The following MITF variants were observed in gnomAD, a reference collection of about 807,000 sequenced individuals.
MITF encodes melanocyte inducing transcription factor.
A neutral mutation model predicts 60.5 loss-of-function variants in MITF; 17 were observed. The observed-to-expected ratio is 0.28, with a 90% CI of 0.19 to 0.42. The LOEUF is 0.42. Ranked by LOEUF, MITF falls within the 10% of genes least tolerant of loss-of-function variation. The probability of loss-of-function intolerance (pLI) is 1.00; values close to 1 mark genes in which losing one functional copy is unlikely to be tolerated. For missense variants in MITF, 622 were observed against 683.5 expected (o/e 0.91, Z 1.00); for synonymous variants, 260 against 248.5 (o/e 1.05, Z -0.43).
intron 1 of MITF, among the ~76,000 whole-genome samples, chr3:69,746,393 C>T (rs1703729431): frequency 6.6e-6 from 1 of 152,046 alleles, no homozygotes; most frequent in African/African-American, 2.4e-5. Flanking sequence ...ACTAAATTTC[C>T]CTCTCCAACT....
intron 2 of MITF, among the ~76,000 whole-genome samples, chr3:69,923,520 T>C (rs2065516242): frequency 6.6e-6 from 1 of 152,158 alleles, no homozygotes; most frequent in Non-Finnish European, 1.5e-5. Context: ...AATTTTTGTA[T>C]TTTTAGTAGA....
At chr3:69,940,425 A>G (rs9837652) in intron 4 of MITF, among the ~76,000 whole-genome samples, 5,431 of 152,342 alleles carry the variant, frequency 0.036, 291 homozygotes, top group African/African-American at 0.12. Flanking sequence ...TGTCTTTGCA[A>G]CTGCTGCAAT....
At chr3:69,777,012 G>A (rs1316308683) in intron 1 of MITF, among the ~76,000 whole-genome samples, 1 of 152,138 alleles carries the variant, frequency 6.6e-6, no homozygotes, top group Non-Finnish European at 1.5e-5. Flanking sequence ...TATAAATGGA[G>A]CTGTTTCAGC....
intron 1 of MITF, among the ~76,000 whole-genome samples, chr3:69,871,989 G>T (rs2064248565): frequency 6.6e-6 from 1 of 152,188 alleles, no homozygotes; most frequent in Non-Finnish European, 1.5e-5. Context: ...ATGTGAATGG[G>T]ATTCCACAGT....
Position 69,941,238 on chromosome 3 carries a change from G to A in MITF, c.669G>A (p.Met223Ile), listed in dbSNP as rs1032758072. ...NTHSRASCMQ[M>I]DDVIDDIISL... The stretch of plus-strand genomic sequence containing the variant: ...TTCTCTTACCCTTTTTCCTACAGAT[G>A]GATGATGTAATCGATGACATCATTA... Residue 223 changes from methionine (M) to isoleucine (I), a missense_variant and splice_region_variant, in exon 5 of 10, where the codon ATG (methionine) becomes ATA (isoleucine). This residue lies in a region of MITF where 215 missense variants were observed against 224.8 expected (regional missense o/e 0.96). Coordinates refer to ENST00000352241, the MANE Select transcript of MITF (RefSeq NM_001354604.2). The A allele has an allele frequency of 2.4e-5, 38 of 1,597,310 alleles. No homozygotes were observed. The highest frequency in any genetic ancestry group is 3.3e-5 in the Non-Finnish European group (38 of 1,165,422).
chr3:69,953,371 T>G (rs1270482907), intron 7 of MITF, among the ~76,000 whole-genome samples: 1 of 152,020 alleles, frequency 6.6e-6, no homozygotes, highest in Admixed American at 6.6e-5. Context: ...GTCAGTAAAG[T>G]GCAAACATGA....
At chr3:69,845,438 C>CTTTTTTTTTTTTTTTTTTTTTTTTTTTT (rs202135701) in intron 1 of MITF, among the ~76,000 whole-genome samples, 1 of 133,674 alleles carries the variant, frequency 7.5e-6, no homozygotes. Flanking sequence ...TTTCTTTTTT[C>CTTTTTTTTTTTTTTTTTTTTTTTTTTTT]TTTCTTTTTT....
chr3:69,758,331 G>A (rs2062161689), intron 1 of MITF, among the ~76,000 whole-genome samples: 1 of 151,470 alleles, frequency 6.6e-6, no homozygotes, highest in Admixed American at 6.6e-5. Flanking sequence ...CACCATGCCT[G>A]GCTAATTAAA....
At chr3:69,802,741 G>A (rs1446004828) in intron 1 of MITF, among the ~76,000 whole-genome samples, 2 of 143,348 alleles carry the variant, frequency 1.4e-5, no homozygotes, top group Non-Finnish European at 3.0e-5. Context: ...GCCCAGGCTG[G>A]AGTGCAATGG....
At chr3:69,848,601 C>T (rs2063770433) in intron 1 of MITF, among the ~76,000 whole-genome samples, 1 of 152,166 alleles carries the variant, frequency 6.6e-6, no homozygotes, top group Non-Finnish European at 1.5e-5. Context: ...TTTTCTCTTT[C>T]TGCACGGTAA....
chr3:69,917,561 CTTATA>C (rs1419331074), intron 2 of MITF, among the ~76,000 whole-genome samples: 1 of 152,006 alleles, frequency 6.6e-6, no homozygotes, highest in African/African-American at 2.4e-5. Context: ...TATAACATTC[CTTATA>C]TTCTTCTTCC....
rs528466890 is a variant in MITF, at chr3:69,848,776, T to C, written c.105-30358T>C. On this transcript the variant is annotated intron_variant, in intron 1 of 9. Transcript: ENST00000352241. ...GTAAGGAAAGAGCAGACACTGATGA[T>C]GTTCAAAAACAAACCCACCACAGAC... Among the ~76,000 whole-genome samples, 3 of 152,226 alleles carry C rather than the reference T, an allele frequency of 2.0e-5. No homozygotes were observed. In the South Asian group the frequency reaches 6.2e-4, roughly 32 times the overall value.
intron 1 of MITF, among the ~76,000 whole-genome samples, chr3:69,805,940 T>G (rs2062998700): frequency 6.6e-6 from 1 of 152,116 alleles, no homozygotes; most frequent in Admixed American, 6.6e-5. Flanking sequence ...GGATTATAGG[T>G]ATGAGCCACC....
Position 69,782,265 on chromosome 3 carries a change from C to T in MITF, c.104+42564C>T, listed in dbSNP as rs538303113. On this transcript the variant is annotated intron_variant, in intron 1 of 9. Coordinates refer to ENST00000352241, the MANE Select transcript of MITF (RefSeq NM_001354604.2). ...TGAATTACTTGTTTGGCCCCCTGAC[C>T]TGTGGCTTCATAAGCTCTTAATTTT... is the stretch of plus-strand genomic sequence containing the variant. Among the ~76,000 whole-genome samples the T allele has an allele frequency of 4.6e-5, 7 of 152,332 alleles. No individual in the cohort carries two copies. The South Asian group carries it at 1.5e-3, about 32-fold the overall frequency.
At chr3:69,904,616 A>G (rs1012098685) in intron 2 of MITF, among the ~76,000 whole-genome samples, 6 of 152,090 alleles carry the variant, frequency 3.9e-5, no homozygotes, top group African/African-American at 1.2e-4. Context: ...CTTGTATTCC[A>G]TGTATAGTCT....
intron 1 of MITF, among the ~76,000 whole-genome samples, chr3:69,770,131 T>C (rs1400845629): frequency 1.3e-5 from 2 of 152,170 alleles, no homozygotes; most frequent in Non-Finnish European, 2.9e-5. Flanking sequence ...TTTCATAAAT[T>C]TGAAAAAAGA....
intron 2 of MITF, among the ~76,000 whole-genome samples, chr3:69,900,914 C>T (rs1208286841): frequency 6.6e-6 from 1 of 151,802 alleles, no homozygotes; most frequent in African/African-American, 2.4e-5. Flanking sequence ...AAGTAATAGC[C>T]AGGGAGGAAA....
At chr3:69,758,801 T>G (rs1303640013) in intron 1 of MITF, 1 of 209,238 alleles carries the variant, frequency 4.8e-6, no homozygotes, top group African/African-American at 2.3e-5. Context: ...CAGGAAAATG[T>G]GTAAGAAATT....
chr3:69,891,964 A>G (rs752834038), intron 2 of MITF, among the ~76,000 whole-genome samples: 2 of 152,244 alleles, frequency 1.3e-5, no homozygotes, highest in African/African-American at 4.8e-5. Context: ...TAAGAAAACA[A>G]TAAGAAACTC....
Sources: gnomAD v4.1 joint callset for allele counts (sites outside exome capture counted in the v4.1 genomes callset) on GRCh38, gnomAD v4.1.1 for gene constraint, gnomAD v4.1.1 regional missense constraint, MANE v1.5 for transcripts, NCBI Gene and HGNC (gene_info 2026-07-23, HGNC 2026-07-21) for gene names.